Variants in FREM2 observed in about 807,000 individuals in gnomAD.
FREM2 encodes FRAS1-related extracellular matrix protein 2.
Under a neutral mutation model 219.9 loss-of-function variants are expected in FREM2, and 119 were observed. The ratio of observed to expected loss-of-function variants is 0.54; its 90% CI spans 0.47 to 0.63. The LOEUF (loss-of-function observed/expected upper bound fraction) is 0.63. Among genes scored for constraint, FREM2 ranks in the 30% least tolerant of loss-of-function variants. FREM2 has a pLI of 0.00. For synonymous variants in FREM2, 1,562 were observed against 1,522.8 expected, an observed-to-expected ratio of 1.03 and a Z score of -0.60; for missense variants, 4,030 against 3,993.6, an observed-to-expected ratio of 1.01 and a Z score of -0.25.
chr13:38,874,661 CG>C (rs1878282634), intron 18 of FREM2, 75 bp downstream of exon 18: 1 of 1,186,376 alleles, frequency 8.4e-7, no homozygotes, highest in Non-Finnish European at 1.3e-6. Context: ...CACATTTCAG[CG>C]TGCTTCTCTG....
chr13:38,769,196 T>G (rs1873555957), intron 3 of FREM2, among the ~76,000 whole-genome samples: 1 of 152,218 alleles, frequency 6.6e-6, no homozygotes, highest in South Asian at 2.1e-4. Flanking sequence ...GTTTCTTATT[T>G]TTTTTATAAT....
chr13:38,850,112 A>G lies in FREM2; in HGVS notation c.6454A>G (p.Arg2152Gly), dbSNP rs1431216729. Residue 2152 changes from arginine (R) to glycine (G), a missense_variant, in exon 9 of 24, where the codon AGG becomes GGG. Transcript: ENST00000280481. ...TGGGCAGATAGTTACAATGATCCAT[A>G]GGACTGGGGATGTCCAGTACAGATC... ...SDGQIVTMIHRTGDVQYRSSV... is the reference protein window; with the variant it reads ...SDGQIVTMIHGTGDVQYRSSV... 1 of 1,613,860 alleles carries G rather than the reference A, an allele frequency of 6.2e-7. No homozygotes were observed. Among genetic ancestry groups the G allele is most frequent in the South Asian group, 1.1e-5 (1 of 91,080 alleles).
At chr13:38,727,299 A>G (rs77218707) in intron 2 of FREM2, among the ~76,000 whole-genome samples, 5 of 152,188 alleles carry the variant, frequency 3.3e-5, no homozygotes, top group Admixed American at 6.5e-5. Flanking sequence ...ACAGATCTAC[A>G]TGGTGAAACC....
chr13:38,690,997 C>G lies in FREM2; in HGVS notation c.3653C>G (p.Ala1218Gly), dbSNP rs1293067857. Reference protein sequence around the residue: ...IDTPILNAADADVPLDDLTFT... With the variant: ...IDTPILNAADGDVPLDDLTFT... ...ACACCCATTCTCAATGCTGCTGATG[C>G]TGATGTTCCCCTGGATGATTTAACT... Residue 1218 changes from alanine to glycine, a missense_variant, in exon 1 of 24, where the codon GCT (alanine) becomes GGT (glycine). Ala to Gly is a moderately conservative substitution (Grantham distance 60). Transcript: ENST00000280481. The G allele has an allele frequency of 1.2e-6, 2 of 1,614,058 alleles. No individual in the cohort carries two copies. Among genetic ancestry groups the G allele is most frequent in the Non-Finnish European group, 1.7e-6 (2 of 1,179,940 alleles).
chr13:38,840,455 T>A (rs1876906875), intron 6 of FREM2, among the ~76,000 whole-genome samples: 1 of 148,268 alleles, frequency 6.7e-6, no homozygotes, highest in South Asian at 2.2e-4. Flanking sequence ...GGAGTCTGGC[T>A]CTGTCACCCA....
intron 2 of FREM2, among the ~76,000 whole-genome samples, chr13:38,711,913 C>CTTTTTTTT (rs1224297915): frequency 1.9e-5 from 2 of 107,602 alleles, no homozygotes; most frequent in African/African-American, 8.9e-5. Flanking sequence ...CTGATAATTT[C>CTTTTTTTT]TTTTTTTTTT....
At chr13:38,738,958 A>G (rs1872119638) in intron 2 of FREM2, among the ~76,000 whole-genome samples, 1 of 152,224 alleles carries the variant, frequency 6.6e-6, no homozygotes, top group African/African-American at 2.4e-5. Context: ...GCACTCGGCA[A>G]GGTAACTAAC....
intron 2 of FREM2, among the ~76,000 whole-genome samples, chr13:38,738,590 A>AAAG (rs1872101838): frequency 3.4e-5 from 5 of 147,326 alleles, no homozygotes; most frequent in African/African-American, 1.3e-4. Flanking sequence ...AAAAAAAAAA[A>AAAG]AGAGAGATAG....
rs567910018 is a variant in FREM2, at chr13:38,739,070, T to C, written c.5264-25234T>C. Among the ~76,000 whole-genome samples the C allele has an allele frequency of 3.3e-5, 5 of 152,330 alleles. No individual in the cohort carries two copies. In the South Asian group the frequency reaches 8.3e-4, roughly 25 times the overall value. On this transcript the variant is annotated intron_variant, in intron 2 of 23. Transcript: ENST00000280481. Reference sequence around the variant, plus strand: ...AAGTAGTATCATATATACAGAATGCTTGGCAATGTCCAGTCCACAGTAAGT... The same window carrying C: ...AAGTAGTATCATATATACAGAATGCCTGGCAATGTCCAGTCCACAGTAAGT...
In FREM2 at chr13:38,821,811, G is replaced by C. The variant is rs530257120; in HGVS notation, c.6020-24762G>C. 5.0e-4 allele frequency: 76 copies of C among 152,260 alleles called. 1 individual carries two copies. Among genetic ancestry groups the C allele is most frequent in the African/African-American group, 1.7e-3 (69 of 41,544 alleles). The allele number at this position is 152,260 out of a possible 1,614,324, so 9.4% of individuals were successfully genotyped here. ...ACTAGCCCAATCTATAGAGAACTTC[G>C]AGACGGAAATAGACAAACAGCTCCA... On this transcript the variant is annotated intron_variant, in intron 6 of 23. Coordinates refer to ENST00000280481, the MANE Select transcript of FREM2 (RefSeq NM_207361.6).
At chr13:38,715,361 C>T (rs1285131946) in intron 2 of FREM2, among the ~76,000 whole-genome samples, 3 of 152,170 alleles carry the variant, frequency 2.0e-5, no homozygotes, top group African/African-American at 7.2e-5. Context: ...GAGAGGATTG[C>T]TTTGCCATTC....
rs149018449 is a variant in FREM2 at position 38,846,590 on chromosome 13, G to T, written c.6037G>T (p.Gly2013Cys). 1.9e-6 allele frequency: 3 copies of T among 1,613,410 alleles called. No individual in the cohort carries two copies. In the African/African-American group the frequency reaches 4.0e-5, roughly 22 times the overall value. ...CTTAACAGAACCCATCTTTTACTTC[G>T]GTGATGTGGAATACTCTGTGGATGA... The part of the protein sequence containing the change: ...DKDDEPIFYF[G>C]DVEYSVDESA... Residue 2013 changes from glycine to cysteine, a missense_variant, in exon 7 of 24, where the codon GGT (glycine) becomes TGT (cysteine). By Grantham distance (159) the Gly-to-Cys change is radical. This residue lies in a region of FREM2 where 3,102 missense variants were observed against 2,950.7 expected (regional missense o/e 1.05). Coordinates refer to ENST00000280481, the MANE Select transcript of FREM2 (RefSeq NM_207361.6).
In FREM2 at chr13:38,812,166, A is replaced by C. The variant is rs1368323088; in HGVS notation, c.6019+27358A>C. 2.0e-5 allele frequency among the ~76,000 whole-genome samples: 3 copies of C among 151,690 alleles called. No individual in the cohort carries two copies. In the East Asian group the frequency reaches 5.8e-4, roughly 29 times the overall value. ...GTGGGATATCTTTTTCCATTCATTT[A>C]TTTTCAGTCTATGTGTATCTTTATA... On this transcript the variant is annotated intron_variant, in intron 6 of 23. Transcript: ENST00000280481.
chr13:38,772,830 T>C (rs1873721060), intron 4 of FREM2, among the ~76,000 whole-genome samples: 1 of 151,846 alleles, frequency 6.6e-6, no homozygotes, highest in Middle Eastern at 3.2e-3. Context: ...CTGAGTAGCC[T>C]GGATTACGGG....
At chr13:38,711,368 T>C (rs1423454759) in intron 2 of FREM2, among the ~76,000 whole-genome samples, 2 of 152,174 alleles carry the variant, frequency 1.3e-5, no homozygotes. Flanking sequence ...CAAAGCATTT[T>C]ATACTAGATT....
intron 6 of FREM2, among the ~76,000 whole-genome samples, chr13:38,795,975 TTTTCTTTC>T (rs543239149): frequency 6.6e-6 from 1 of 152,174 alleles, no homozygotes; most frequent in African/African-American, 2.4e-5. Context: ...TACACGATAG[TTTTCTTTC>T]TTTCTTTCTT....
chr13:38,828,577 G>A (rs535015740), intron 6 of FREM2, among the ~76,000 whole-genome samples: 157 of 151,966 alleles, frequency 1.0e-3, no homozygotes, highest in Non-Finnish European at 1.9e-3. Context: ...CTGGTATGGT[G>A]TTGTGTACCT....
intron 6 of FREM2, among the ~76,000 whole-genome samples, chr13:38,806,095 A>G (rs985516379): frequency 2.0e-5 from 3 of 151,790 alleles, no homozygotes; most frequent in Admixed American, 6.6e-5. Context: ...GAGGGTAGGA[A>G]AAAAATGAAC....
chr13:38,810,217 G>A (rs570807033), intron 6 of FREM2, among the ~76,000 whole-genome samples: 9 of 143,064 alleles, frequency 6.3e-5, no homozygotes, highest in South Asian at 2.3e-4. Flanking sequence ...ATTTTTGGTC[G>A]AATTTTTAGG....
Sources: gnomAD v4.1 joint callset for allele counts (sites outside exome capture counted in the v4.1 genomes callset) on GRCh38, gnomAD v4.1.1 for gene constraint, gnomAD v4.1.1 regional missense constraint, MANE v1.5 for transcripts, NCBI Gene and HGNC (gene_info 2026-07-23, HGNC 2026-07-21) for gene names.